Variants in USP46 observed in about 807,000 individuals in gnomAD.
USP46 encodes ubiquitin carboxyl-terminal hydrolase 46.
In USP46, 12 loss-of-function variants were observed where a neutral mutation model predicts 44.4. The observed-to-expected ratio is 0.27, with a 90% CI of 0.17 to 0.44. The LOEUF (loss-of-function observed/expected upper bound fraction) is 0.44. Among genes scored for constraint, USP46 ranks in the 20% least tolerant of loss-of-function variants. The probability of loss-of-function intolerance (pLI) is 1.00; values close to 1 mark genes in which losing one functional copy is unlikely to be tolerated. For synonymous variants in USP46, 155 were observed against 161.5 expected (o/e 0.96, Z 0.31); for missense variants, 248 against 444.8 (o/e 0.56, Z 3.98).
intron 4 of USP46, among the ~76,000 whole-genome samples, chr4:52,611,025 C>T (rs1299969725): frequency 6.6e-6 from 1 of 152,246 alleles, no homozygotes; most frequent in Non-Finnish European, 1.5e-5. Context: ...CTTGTTGAGT[C>T]GTTTCCACTT....
At position 52,627,081 on chromosome 4, in the gene USP46, A is replaced by C. The variant is rs559253384; in HGVS notation, c.332-834T>G. On this transcript the variant is annotated intron_variant, in intron 3 of 8. Coordinates refer to ENST00000441222, the MANE Select transcript of USP46 (RefSeq NM_022832.4). ...CAAATACAAATGATTCCAGAAGCCT[A>C]GTGCTGCTCCCTGCCATAAGGACAA... Among the ~76,000 whole-genome samples, 191 of 152,298 alleles carry C rather than the reference A, an allele frequency of 1.3e-3. 2 individuals carry two copies. The highest frequency in any genetic ancestry group is 9.8e-4 in the Non-Finnish European group (67 of 68,042).
intron 4 of USP46, among the ~76,000 whole-genome samples, chr4:52,615,822 A>G (rs982902387): frequency 6.6e-5 from 10 of 152,250 alleles, no homozygotes; most frequent in African/African-American, 2.2e-4. Context: ...CAAATTACTT[A>G]AAGAAAAAAA....
intron 4 of USP46, among the ~76,000 whole-genome samples, chr4:52,612,232 A>G (rs1471097633): frequency 6.6e-6 from 1 of 152,258 alleles, no homozygotes. Context: ...ACAACTACAT[A>G]TAAGTTAATC....
At chr4:52,604,673 A>AT in intron 5 of USP46, 89 bp from the exon 6 acceptor site, 1 of 823,860 alleles carries the variant, frequency 1.2e-6, no homozygotes, top group Non-Finnish European at 1.8e-6. Context: ...CTGTAGGGTA[A>AT]TTTTTAAGTA....
chr4:52,619,079 C>T (rs78925433), intron 4 of USP46, among the ~76,000 whole-genome samples: 4 of 151,972 alleles, frequency 2.6e-5, no homozygotes, highest in African/African-American at 7.3e-5. Context: ...TCTTACGAAC[C>T]AAACAAAAGA....
chr4:52,641,725 C>T (rs574369594), intron 1 of USP46, among the ~76,000 whole-genome samples: 40 of 152,158 alleles, frequency 2.6e-4, no homozygotes, highest in Non-Finnish European at 4.4e-4. Context: ...GATTAAAAAA[C>T]GAAGGCCCAG....
At chr4:52,599,297 G>A (rs1367718561) in intron 7 of USP46, among the ~76,000 whole-genome samples, 1 of 152,104 alleles carries the variant, frequency 6.6e-6, no homozygotes, top group African/African-American at 2.4e-5. Context: ...GAAGCCATGT[G>A]ACTCTGGGAT....
At chr4:52,656,528 T>A (rs898208636) in intron 1 of USP46, 24 of 1,415,088 alleles carry the variant, frequency 1.7e-5, no homozygotes, top group Non-Finnish European at 2.1e-5. Context: ...AGTGGTTGCT[T>A]CCACCAGGTC....
In USP46 at chr4:52,648,218, A is replaced by G. The variant is rs150056524; in HGVS notation, c.36+10897T>C. 1.8e-3 allele frequency among the ~76,000 whole-genome samples: 281 copies of G among 152,316 alleles called. 1 individual carries two copies. Among genetic ancestry groups the G allele is most frequent in the African/African-American group, 6.3e-3 (260 of 41,566 alleles). On this transcript the variant is annotated intron_variant, in intron 1 of 8. Transcript: ENST00000441222. The stretch of plus-strand genomic sequence containing the variant: ...GCTCACCGACCAGACCATCATCTAC[A>G]AAGTAGTTCAACAAATGGTGCTCCT...
In USP46 at chr4:52,602,045, T is replaced by C; in HGVS notation, c.732A>G (p.Val244=). 2 of 1,611,974 alleles carry C rather than the reference T, an allele frequency of 1.2e-6. No homozygotes were observed. The highest frequency in any genetic ancestry group is 1.7e-6 in the Non-Finnish European group (2 of 1,178,868). Reference sequence around the variant, plus strand: ...GGGCCAAGATCATGGGCAGCTTTTTTACCCTCATCCTAAGAAACCAAGAAA... The same window carrying C: ...GGGCCAAGATCATGGGCAGCTTTTTCACCCTCATCCTAAGAAACCAAGAAA... ...SKQEAQKRMR[V]KKLPMILALH... is the part of the protein sequence containing the mutation. Residue 244 remains valine, a synonymous_variant, in exon 7 of 9, where the codon GTA becomes GTG. Coordinates refer to ENST00000441222, the MANE Select transcript of USP46 (RefSeq NM_022832.4).
chr4:52,628,370 T>C (rs549402274), intron 2 of USP46: 2 of 545,940 alleles, frequency 3.7e-6, no homozygotes, highest in South Asian at 2.7e-5. Flanking sequence ...AAAATGCACA[T>C]CATTCCGGTG....
chr4:52,653,919 C>T (rs974444094), intron 1 of USP46, among the ~76,000 whole-genome samples: 1 of 152,094 alleles, frequency 6.6e-6, no homozygotes, highest in African/African-American at 2.4e-5. Context: ...TCAATTATAA[C>T]CCAAACATAC....
At chr4:52,606,066 T>C (rs1347673849) in intron 5 of USP46, among the ~76,000 whole-genome samples, 1 of 152,234 alleles carries the variant, frequency 6.6e-6, no homozygotes, top group Non-Finnish European at 1.5e-5. Flanking sequence ...ATTTGATTAC[T>C]TGCCTCCCCT....
intron 1 of USP46, among the ~76,000 whole-genome samples, chr4:52,640,476 A>C (rs1165445596): frequency 6.6e-6 from 1 of 152,172 alleles, no homozygotes. Context: ...TTATCTTCTT[A>C]ACTCTTCAAA....
At chr4:52,651,359 C>T (rs1158676325) in intron 1 of USP46, among the ~76,000 whole-genome samples, 1 of 152,016 alleles carries the variant, frequency 6.6e-6, no homozygotes, top group Non-Finnish European at 1.5e-5. Flanking sequence ...CCAACTAAGA[C>T]CTACTTAATC....
chr4:52,645,902 A>T (rs1262576479), intron 1 of USP46, among the ~76,000 whole-genome samples: 6 of 151,966 alleles, frequency 3.9e-5, no homozygotes. Context: ...AGTGTGTGGC[A>T]CTTTCCCTTT....
At chr4:52,607,487 C>A (rs1190581715) in intron 5 of USP46, among the ~76,000 whole-genome samples, 2 of 152,132 alleles carry the variant, frequency 1.3e-5, no homozygotes, top group Non-Finnish European at 2.9e-5. Flanking sequence ...ACACAAAATT[C>A]TTTGTATTGC....
chr4:52,637,156 C>A (rs746469827), intron 1 of USP46, among the ~76,000 whole-genome samples: 2 of 152,188 alleles, frequency 1.3e-5, no homozygotes, highest in Non-Finnish European at 2.9e-5. Context: ...ATCTCCAAAT[C>A]ACTCCTCGAA....
chr4:52,629,654 G>A, intron 2 of USP46: 1 of 456,186 alleles, frequency 2.2e-6, no homozygotes. Flanking sequence ...ACACCCTTCA[G>A]TAACGCTTGG....
Sources: allele counts gnomAD v4.1 joint callset (sites outside exome capture counted in the v4.1 genomes callset), GRCh38; gene constraint gnomAD v4.1.1; transcripts MANE v1.5; gene names NCBI Gene and HGNC (gene_info 2026-07-23, HGNC 2026-07-21).